The following METTL4 variants were observed in gnomAD, a reference collection of about 807,000 sequenced individuals.
The protein encoded by METTL4 is N(6)-adenine-specific methyltransferase METTL4.
A neutral mutation model predicts 54.0 loss-of-function variants in METTL4; 40 were observed. That is an observed-to-expected ratio of 0.74 (90% CI 0.58 to 0.96). The LOEUF (loss-of-function observed/expected upper bound fraction) is 0.96. Among genes scored for constraint, METTL4 ranks in the 50% least tolerant of loss-of-function variants. The pLI, the probability that METTL4 is intolerant of heterozygous loss-of-function variation, is 0.00. For missense variants in METTL4, 525 were observed against 549.0 expected, an observed-to-expected ratio of 0.96 and a Z score of 0.44; for synonymous variants, 169 against 183.8, an observed-to-expected ratio of 0.92 and a Z score of 0.65.
intron 3 of METTL4, among the ~76,000 whole-genome samples, chr18:2,558,919 A>G (rs2072275827): frequency 6.6e-6 from 1 of 152,180 alleles, no homozygotes; most frequent in African/African-American, 2.4e-5. Flanking sequence ...CAAAACCACA[A>G]TGAGATACTA....
chr18:2,554,669 A>G lies in METTL4; in HGVS notation c.829T>C (p.Tyr277His). The G allele has an allele frequency of 3.2e-6, 5 of 1,586,904 alleles. No individual in the cohort carries two copies. The highest frequency in any genetic ancestry group is 4.3e-6 in the Non-Finnish European group (5 of 1,173,714). Residue 277 changes from tyrosine (Y) to histidine (H), a missense_variant and splice_region_variant, in exon 4 of 9, where the codon TAT (tyrosine) becomes CAT (histidine). Physicochemically the swap from Tyr to His is moderately conservative, Grantham distance 83 (BLOSUM62 2). Transcript: ENST00000574538. ...DISCMQPLLN[Y>H]RKTFDVIVID... ...AATAACAAACACAATAATTACTTACAGTTTAGAAGTGGTTGCATACAAGAA... is the reference window on the plus strand; with the variant it reads ...AATAACAAACACAATAATTACTTACGGTTTAGAAGTGGTTGCATACAAGAA...
In METTL4 at chr18:2,559,837, A is replaced by G. The variant is rs144951939; in HGVS notation, c.459+3960T>C. Among the ~76,000 whole-genome samples the G allele has an allele frequency of 1.1e-4, 17 of 152,198 alleles. No individual in the cohort carries two copies. In the East Asian group the frequency reaches 3.3e-3, roughly 29 times the overall value. The stretch of plus-strand genomic sequence containing the variant: ...CGCAACCTCCACCTCCCAGGTTCCA[A>G]CAATTCTCCTCCCTCAGCGTCCCAA... On this transcript the variant is annotated intron_variant, in intron 3 of 8. Coordinates refer to ENST00000574538, the MANE Select transcript of METTL4 (RefSeq NM_022840.5).
intron 6 of METTL4, 131 bp from the exon 7 acceptor site, chr18:2,544,890 A>G (rs1435306311): frequency 1.4e-5 from 7 of 505,350 alleles, no homozygotes; most frequent in Non-Finnish European, 2.4e-5. Flanking sequence ...CACATTTATC[A>G]TTTTAAATTT....
At position 2,549,015 on chromosome 18, in the gene METTL4, T is replaced by TA. The variant is rs373025718; in HGVS notation, c.900-1487dup. Among the ~76,000 whole-genome samples, 354 of 152,354 alleles carry TA rather than the reference T, an allele frequency of 2.3e-3. 4 individuals are homozygous for TA. Among genetic ancestry groups the TA allele is most frequent in the African/African-American group, 8.2e-3 (341 of 41,586 alleles). Reference sequence around the variant, plus strand: ...ATTCTTTTACTCATCCTTGGTCAAGTACCACAAACCCTCACCACTCTTCAG... The same window carrying TA: ...ATTCTTTTACTCATCCTTGGTCAAGTAACCACAAACCCTCACCACTCTTCAG... On this transcript the variant is annotated intron_variant, in intron 5 of 8. Transcript: ENST00000574538.
At chr18:2,550,682 T>G (rs1246249943) in intron 5 of METTL4, among the ~76,000 whole-genome samples, 1 of 152,202 alleles carries the variant, frequency 6.6e-6, no homozygotes, top group East Asian at 1.9e-4. Context: ...AGCTTTTATA[T>G]TCATAGTTAC....
In METTL4 at chr18:2,551,124, A is replaced by G. The variant is rs1010759907; in HGVS notation, c.899+1571T>C. Among the ~76,000 whole-genome samples the G allele has an allele frequency of 9.7e-5, 14 of 143,616 alleles. 1 individual carries two copies. Among genetic ancestry groups the G allele is most frequent in the Admixed American group, 2.9e-4 (4 of 13,978 alleles). 94.2% of individuals were successfully genotyped at this position (143,616 alleles called of 152,430 possible). On this transcript the variant is annotated intron_variant, in intron 5 of 8. Transcript: ENST00000574538. ...GCTTGCAGTGAGCCGAGATCGCGCC[A>G]CTGCACTCCAGCCTGGGCGACAGAA...
rs1438880613 is a variant in METTL4, at chr18:2,544,349, C to A, written c.1182-63G>T. 16 of 1,177,358 alleles carry A rather than the reference C, an allele frequency of 1.4e-5. 1 individual carries two copies. The highest frequency in any genetic ancestry group is 1.6e-5 in the Non-Finnish European group (13 of 831,274). 72.9% of individuals were successfully genotyped at this position (1,177,358 alleles called of 1,614,324 possible). ...AAAACAATTTTCTATACATAAGCCACAGCTGCATTGATTTTTGTTCTCTTT... is the reference window on the plus strand; with the variant it reads ...AAAACAATTTTCTATACATAAGCCAAAGCTGCATTGATTTTTGTTCTCTTT... On this transcript the variant is annotated intron_variant, in intron 7 of 8. Coordinates refer to ENST00000574538, the MANE Select transcript of METTL4 (RefSeq NM_022840.5).
intron 5 of METTL4, among the ~76,000 whole-genome samples, chr18:2,548,765 T>C (rs577285095): frequency 6.6e-6 from 1 of 152,276 alleles, no homozygotes; most frequent in East Asian, 1.9e-4. Flanking sequence ...CTTGCTCTTC[T>C]TCCCCGTGGA....
rs112877652 is a variant in METTL4, at chr18:2,549,998, A to T, written c.900-2469T>A. ...GACAACAGCGAAACTCTGTCTCAAA[A>T]AAAATAAAATAAAATAAAAATAAAT... On this transcript the variant is annotated intron_variant, in intron 5 of 8. Transcript: ENST00000574538. Among the ~76,000 whole-genome samples, 585 of 151,884 alleles carry T rather than the reference A, an allele frequency of 3.9e-3. 6 individuals carry two copies. Among genetic ancestry groups the T allele is most frequent in the Non-Finnish European group, 5.7e-3 (387 of 67,932 alleles).
chr18:2,549,618 T>A (rs1333643805), intron 5 of METTL4, among the ~76,000 whole-genome samples: 1 of 151,940 alleles, frequency 6.6e-6, no homozygotes, highest in Non-Finnish European at 1.5e-5. Flanking sequence ...AATGGCCAAA[T>A]GCAACAAACA....
rs533277370 is a variant in METTL4 at position 2,560,159 on chromosome 18, A to G, written c.459+3638T>C. Among the ~76,000 whole-genome samples the G allele has an allele frequency of 4.5e-4, 68 of 152,320 alleles. No individual in the cohort carries two copies. In the South Asian group the frequency reaches 7.9e-3, roughly 18 times the overall value. ...ATTTTGTTACTAAAAACCTTCCCCC[A>G]TGACAATTAAAACACAACACATCGG... On this transcript the variant is annotated intron_variant, in intron 3 of 8. Coordinates refer to ENST00000574538, the MANE Select transcript of METTL4 (RefSeq NM_022840.5).
At chr18:2,564,756 C>A (rs2072376755) in intron 2 of METTL4, among the ~76,000 whole-genome samples, 2 of 152,108 alleles carry the variant, frequency 1.3e-5, no homozygotes, top group Admixed American at 6.5e-5. Flanking sequence ...ATCAAGATTA[C>A]ATTTATTACA....
At chr18:2,552,285 G>A (rs1401514294) in intron 5 of METTL4, among the ~76,000 whole-genome samples, 4 of 151,972 alleles carry the variant, frequency 2.6e-5, no homozygotes, top group East Asian at 3.8e-4. Flanking sequence ...ATAACTTATC[G>A]CCCTAAGAAG....
chr18:2,539,877 C>T (rs2071969806), intron 8 of METTL4: 1 of 924,372 alleles, frequency 1.1e-6, no homozygotes, highest in Non-Finnish European at 1.3e-6. Context: ...AAAAGTCTGT[C>T]TGCAATATAA....
chr18:2,552,117 C>T (rs2072170791), intron 5 of METTL4, among the ~76,000 whole-genome samples: 1 of 152,056 alleles, frequency 6.6e-6, no homozygotes, highest in Non-Finnish European at 1.5e-5. Context: ...CGCTTGAATC[C>T]AGGAGGCAGA....
At chr18:2,570,776 C>T (rs1209030453) in intron 1 of METTL4, among the ~76,000 whole-genome samples, 4 of 152,154 alleles carry the variant, frequency 2.6e-5, no homozygotes, top group Non-Finnish European at 4.4e-5. Flanking sequence ...TAGTTAATGG[C>T]ACAATTGCTA....
At chr18:2,550,387 C>A (rs1054504329) in intron 5 of METTL4, among the ~76,000 whole-genome samples, 2 of 152,120 alleles carry the variant, frequency 1.3e-5, no homozygotes, top group Admixed American at 6.5e-5. Context: ...AAAAACTAGA[C>A]CCCTCATTGC....
At chr18:2,556,966 A>G (rs941717861) in intron 3 of METTL4, among the ~76,000 whole-genome samples, 1 of 152,176 alleles carries the variant, frequency 6.6e-6, no homozygotes, top group Non-Finnish European at 1.5e-5. Flanking sequence ...CTGGAACAAC[A>G]AAGAGAAACA....
chr18:2,557,779 G>A (rs1362042143), intron 3 of METTL4, among the ~76,000 whole-genome samples: 2 of 152,304 alleles, frequency 1.3e-5, no homozygotes, highest in East Asian at 3.9e-4. Flanking sequence ...GCTGTGCCAG[G>A]AGCAGTAAAA....
Sources: allele counts gnomAD v4.1 joint callset (sites outside exome capture counted in the v4.1 genomes callset), GRCh38; gene constraint gnomAD v4.1.1; transcripts MANE v1.5; gene names NCBI Gene and HGNC (gene_info 2026-07-23, HGNC 2026-07-21).